The following UBE2E3 variants were observed in gnomAD, a reference collection of about 807,000 sequenced individuals.
UBE2E3 encodes the protein ubiquitin-conjugating enzyme E2 E3.
UBE2E3 carries 5 observed loss-of-function variants against 23.6 expected under a neutral mutation model. The observed-to-expected ratio is 0.21, with a 90% CI of 0.11 to 0.44. UBE2E3 has a LOEUF of 0.44. UBE2E3 is among the 20% of genes least tolerant of loss of function. The pLI is 0.99. For missense variants in UBE2E3, 81 were observed against 249.8 expected (o/e 0.32, Z 4.55); for synonymous variants, 78 against 87.5 (o/e 0.89, Z 0.60).
chr2:181,057,865 C>G (rs755326020), intron 4 of UBE2E3, 40 bp downstream of exon 4: 10 of 1,593,148 alleles, frequency 6.3e-6, no homozygotes, highest in Non-Finnish European at 6.9e-6. Flanking sequence ...TTTAATCCTT[C>G]TCCTCTAAAA....
intron 3 of UBE2E3, among the ~76,000 whole-genome samples, chr2:181,053,437 AAGTT>A (rs1477412973): frequency 2.6e-5 from 4 of 152,002 alleles, no homozygotes; most frequent in South Asian, 4.1e-4. Flanking sequence ...TCGTTTATAA[AAGTT>A]AGTAACTCTT....
chr2:180,990,586 C>G (rs1157964862), intron 3 of UBE2E3, among the ~76,000 whole-genome samples: 2 of 152,186 alleles, frequency 1.3e-5, no homozygotes, highest in African/African-American at 4.8e-5. Context: ...ACAGGAATGA[C>G]TACCTTGAGT....
At chr2:180,985,208 A>G (rs1684419116) in intron 3 of UBE2E3, among the ~76,000 whole-genome samples, 1 of 152,200 alleles carries the variant, frequency 6.6e-6, no homozygotes, top group African/African-American at 2.4e-5. Flanking sequence ...AACAGGAAAC[A>G]TGAATGTAAA....
chr2:180,990,781 C>T (rs1392375766), intron 3 of UBE2E3, among the ~76,000 whole-genome samples: 1 of 152,098 alleles, frequency 6.6e-6, no homozygotes, highest in East Asian at 1.9e-4. Flanking sequence ...CATCAAAATT[C>T]AGTTTGACAT....
chr2:181,004,649 C>T (rs1041526819), intron 3 of UBE2E3, among the ~76,000 whole-genome samples: 3 of 151,880 alleles, frequency 2.0e-5, no homozygotes, highest in South Asian at 2.1e-4. Flanking sequence ...AAAAGAATTG[C>T]GTTAAGTAAC....
intron 3 of UBE2E3, among the ~76,000 whole-genome samples, chr2:181,011,554 A>C (rs1685328714): frequency 6.6e-6 from 1 of 152,084 alleles, no homozygotes; most frequent in African/African-American, 2.4e-5. Flanking sequence ...AGTGCACCTA[A>C]ATCAAAACTA....
intron 3 of UBE2E3, among the ~76,000 whole-genome samples, chr2:181,004,146 T>C (rs1370972389): frequency 6.6e-6 from 1 of 152,236 alleles, no homozygotes; most frequent in Non-Finnish European, 1.5e-5. Context: ...AATACTTTGC[T>C]TTTCTCTTCA....
chr2:181,006,001 A>T (rs1292208576), intron 3 of UBE2E3, among the ~76,000 whole-genome samples: 1 of 152,202 alleles, frequency 6.6e-6, no homozygotes, highest in Non-Finnish European at 1.5e-5. Flanking sequence ...AGAGCTGCTG[A>T]TGTAAACACC....
chr2:180,988,216 T>A (rs144166575), intron 3 of UBE2E3, among the ~76,000 whole-genome samples: 1 of 152,158 alleles, frequency 6.6e-6, no homozygotes, highest in East Asian at 1.9e-4. Context: ...CAGTGTAGCC[T>A]GTAGTGATGT....
chr2:181,058,274 A>C (rs1270761123), intron 4 of UBE2E3, among the ~76,000 whole-genome samples: 1 of 151,758 alleles, frequency 6.6e-6, no homozygotes, highest in Non-Finnish European at 1.5e-5. Context: ...CTTCATAGCC[A>C]AGAAGAGGGA....
intron 3 of UBE2E3, among the ~76,000 whole-genome samples, chr2:181,041,516 G>A (rs1686503908): frequency 3.3e-5 from 5 of 151,568 alleles, no homozygotes; most frequent in Admixed American, 3.3e-4. Context: ...CCGGCTCACT[G>A]CAACCTCTGC....
intron 3 of UBE2E3, among the ~76,000 whole-genome samples, chr2:181,035,841 A>G (rs567813441): frequency 7.9e-5 from 12 of 152,328 alleles, no homozygotes; most frequent in African/African-American, 2.9e-4. Context: ...AAGGTCACAT[A>G]ATAGGTAATA....
chr2:180,989,948 A>C (rs1237377425), intron 3 of UBE2E3: 4 of 1,549,050 alleles, frequency 2.6e-6, no homozygotes, highest in Non-Finnish European at 3.5e-6. Flanking sequence ...TTGTCCTTTC[A>C]GTCTCTTCTT....
chr2:181,042,731 C>A (rs757874004), intron 3 of UBE2E3, among the ~76,000 whole-genome samples: 4 of 152,166 alleles, frequency 2.6e-5, no homozygotes, highest in Non-Finnish European at 5.9e-5. Flanking sequence ...TTCTGAACAT[C>A]CATAATTGAG....
chr2:181,039,007 T>C (rs1265959852), intron 3 of UBE2E3, among the ~76,000 whole-genome samples: 2 of 152,166 alleles, frequency 1.3e-5, no homozygotes, highest in Non-Finnish European at 2.9e-5. Context: ...ATAACAGTTT[T>C]GGGGTTTCTT....
chr2:181,004,086 G>T (rs1276028895), intron 3 of UBE2E3, among the ~76,000 whole-genome samples: 4 of 151,824 alleles, frequency 2.6e-5, no homozygotes, highest in East Asian at 1.9e-4. Flanking sequence ...CTGGGGTGGA[G>T]AGTTAAGAAA....
At chr2:181,050,159 T>C (rs866654683) in intron 3 of UBE2E3, among the ~76,000 whole-genome samples, 1 of 151,956 alleles carries the variant, frequency 6.6e-6, no homozygotes, top group African/African-American at 2.4e-5. Flanking sequence ...AATCCACTTC[T>C]TTACAAGGCA....
chr2:180,985,953 C>T (rs1684453669), intron 3 of UBE2E3, among the ~76,000 whole-genome samples: 1 of 90,466 alleles, frequency 1.1e-5, no homozygotes, highest in Non-Finnish European at 2.9e-5. Context: ...GGAATGTTTC[C>T]TCAAGGTCAC....
At chr2:181,035,182 G>A (rs72885237) in intron 3 of UBE2E3, among the ~76,000 whole-genome samples, 1,890 of 152,180 alleles carry the variant, frequency 0.012, 24 homozygotes, top group Non-Finnish European at 0.02. Context: ...CTATATAAGG[G>A]ATAACCTTTT....
Sources: allele counts gnomAD v4.1 joint callset (sites outside exome capture counted in the v4.1 genomes callset), GRCh38; gene constraint gnomAD v4.1.1; transcripts MANE v1.5; gene names NCBI Gene and HGNC (gene_info 2026-07-23, HGNC 2026-07-21).